CPO: variants seen among roughly 807,000 people sequenced by gnomAD.
The protein encoded by CPO is metallocarboxypeptidase C.
A neutral mutation model predicts 41.2 loss-of-function variants in CPO; 43 were observed. That is an observed-to-expected ratio of 1.04 (90% CI 0.82 to 1.35). The LOEUF is 1.35. Ranked by LOEUF, CPO falls within the 40% of genes most tolerant of loss-of-function variation. CPO has a pLI of 0.00. For synonymous variants in CPO, 178 were observed against 162.7 expected (o/e 1.09, Z -0.72); for missense variants, 408 against 451.7 (o/e 0.90, Z 0.88).
chr2:206,951,120 T>C (rs1047121285), intron 2 of CPO, among the ~76,000 whole-genome samples: 2 of 152,006 alleles, frequency 1.3e-5, no homozygotes. Flanking sequence ...TTATCTTGCA[T>C]GTACCTTTTA....
chr2:206,943,728 T>TAGATA (rs1410767599), intron 1 of CPO, among the ~76,000 whole-genome samples: 3 of 123,608 alleles, frequency 2.4e-5, no homozygotes, highest in Admixed American at 8.1e-5. Flanking sequence ...GATGGATAGA[T>TAGATA]GATAGATAGA....
chr2:206,965,657 G>A (rs1371622229), intron 7 of CPO, among the ~76,000 whole-genome samples: 1 of 151,940 alleles, frequency 6.6e-6, no homozygotes, highest in Non-Finnish European at 1.5e-5. Flanking sequence ...ACCCCTACTA[G>A]GCCAGAGCTT....
intron 3 of CPO, among the ~76,000 whole-genome samples, chr2:206,957,557 A>G (rs555713912): frequency 5.9e-5 from 9 of 152,124 alleles, no homozygotes; most frequent in African/African-American, 1.2e-4. Context: ...TCAGCTTCCA[A>G]TGGTTTTCAA....
chr2:206,969,143 T>C, intron 8 of CPO, 31 bp from the exon 9 acceptor site: 1 of 1,609,616 alleles, frequency 6.2e-7, no homozygotes, highest in Non-Finnish European at 8.5e-7. Context: ...AAGTATGACT[T>C]CTACCTCTGC....
chr2:206,955,628 T>C (rs1367564288), intron 3 of CPO, 64 bp downstream of exon 3: 3 of 922,478 alleles, frequency 3.3e-6, no homozygotes, highest in Non-Finnish European at 5.5e-6. Flanking sequence ...GTGTTTACTA[T>C]TCAGGGACTC....
intron 7 of CPO, among the ~76,000 whole-genome samples, chr2:206,964,559 CCT>C (rs1693538208): frequency 2.0e-5 from 3 of 152,142 alleles, no homozygotes; most frequent in Non-Finnish European, 4.4e-5. Flanking sequence ...ACCTCGCACG[CCT>C]CTCTCTGCTC....
At chr2:206,967,781 G>A (rs372853801) in intron 7 of CPO, among the ~76,000 whole-genome samples, 5 of 152,172 alleles carry the variant, frequency 3.3e-5, no homozygotes, top group African/African-American at 1.2e-4. Flanking sequence ...AGTGAGCAAT[G>A]AGGAGCTCTT....
intron 1 of CPO, among the ~76,000 whole-genome samples, chr2:206,946,265 A>G (rs961202016): frequency 5.9e-5 from 9 of 152,180 alleles, no homozygotes; most frequent in African/African-American, 1.9e-4. Context: ...AACAATGTAT[A>G]AAAAGAATTA....
chr2:206,963,708 G>A lies in CPO; in HGVS notation c.777+1094G>A, dbSNP rs147514522. ...AAAGCCAAACAATATTCCATTTTGT[G>A]TATATACTACATTTCGTTCATCCCA... On this transcript the variant is annotated intron_variant, in intron 7 of 8. Transcript: ENST00000272852. Among the ~76,000 whole-genome samples the A allele has an allele frequency of 1.6e-3, 248 of 152,304 alleles. 1 individual carries two copies. The Middle Eastern group carries it at 0.027, about 17-fold the overall frequency.
At chr2:206,962,639 C>A in intron 7 of CPO, 25 bp downstream of exon 7, 1 of 1,582,278 alleles carries the variant, frequency 6.3e-7, no homozygotes, top group South Asian at 1.1e-5. Flanking sequence ...CCAAGGCCTC[C>A]AGAAAAACCT....
At chr2:206,955,437 G>A (rs1574351565) in intron 2 of CPO, 26 bp from the exon 3 acceptor site, 2 of 1,339,502 alleles carry the variant, frequency 1.5e-6, no homozygotes, top group Middle Eastern at 3.6e-4. Flanking sequence ...CCTACTGATA[G>A]CCACAGTCCT....
rs1389046643 is a variant in CPO at position 206,949,586 on chromosome 2, T to G, written c.69-31T>G. On this transcript the variant is annotated intron_variant, in intron 1 of 8. Transcript: ENST00000272852. Reference sequence around the variant, plus strand: ...CCTCAGGATATCCCAGTTTCACCACTGCTTTTCCTCTTACTTTCTTCCCTT... The same window carrying G: ...CCTCAGGATATCCCAGTTTCACCACGGCTTTTCCTCTTACTTTCTTCCCTT... The G allele has an allele frequency of 1.9e-6, 3 of 1,545,274 alleles. No homozygotes were observed. In the Admixed American group the frequency reaches 5.0e-5, roughly 26 times the overall value.
intron 1 of CPO, among the ~76,000 whole-genome samples, chr2:206,943,971 C>T (rs537297184): frequency 1.3e-5 from 2 of 152,164 alleles, no homozygotes; most frequent in African/African-American, 4.8e-5. Flanking sequence ...CTTATCATAC[C>T]TCATGCCTTG....
rs1693384562 is a variant in CPO, at chr2:206,957,227, T to C, written c.268-1074T>C. Among the ~76,000 whole-genome samples, 5 of 151,714 alleles carry C rather than the reference T, an allele frequency of 3.3e-5. No individual in the cohort carries two copies. The South Asian group carries it at 1.0e-3, about 32-fold the overall frequency. ...CCCGTCTCTACTAAAAATAAATACA[T>C]TAGCTGGGCGTGGTGGCATGTGCCT... On this transcript the variant is annotated intron_variant, in intron 3 of 8. Coordinates refer to ENST00000272852, the MANE Select transcript of CPO (RefSeq NM_173077.3).
rs747978844 is a variant in CPO at position 206,956,514 on chromosome 2, G to A, written c.267+950G>A. ...TACTAAGTCAGAAACTCGGAGGCTG[G>A]AGCCCAACAGTCTATTTTAACAAGG... On this transcript the variant is annotated intron_variant, in intron 3 of 8. Coordinates refer to ENST00000272852, the MANE Select transcript of CPO (RefSeq NM_173077.3). Among the ~76,000 whole-genome samples the A allele has an allele frequency of 3.3e-5, 5 of 152,124 alleles. No individual in the cohort carries two copies. In the East Asian group the frequency reaches 7.7e-4, roughly 23 times the overall value.
At chr2:206,956,106 T>C (rs1311756637) in intron 3 of CPO, among the ~76,000 whole-genome samples, 1 of 152,084 alleles carries the variant, frequency 6.6e-6, no homozygotes, top group East Asian at 1.9e-4. Flanking sequence ...CTACCCCTTT[T>C]GCATGCAACA....
chr2:206,950,568 C>T (rs956840360), intron 2 of CPO, among the ~76,000 whole-genome samples: 4 of 152,130 alleles, frequency 2.6e-5, no homozygotes, highest in Non-Finnish European at 4.4e-5. Context: ...CCCAGCAATC[C>T]CATTACTGGG....
chr2:206,962,027 G>A lies in CPO; in HGVS notation c.575-385G>A, dbSNP rs549150269. ...AGGCAGGAGAATGGCATGAACCCAGGAGGTGGAGCTTGCAGTGAGCAGAGA... is the reference window on the plus strand; with the variant it reads ...AGGCAGGAGAATGGCATGAACCCAGAAGGTGGAGCTTGCAGTGAGCAGAGA... On this transcript the variant is annotated intron_variant, in intron 6 of 8. Coordinates refer to ENST00000272852, the MANE Select transcript of CPO (RefSeq NM_173077.3). Among the ~76,000 whole-genome samples the A allele has an allele frequency of 2.6e-5, 4 of 151,008 alleles. No individual in the cohort carries two copies. The East Asian group carries it at 7.8e-4, about 30-fold the overall frequency.
In CPO at chr2:206,960,946, A is replaced by C. The variant is rs765612406; in HGVS notation, c.574+4A>C. ...AATTTCAATGCATCTTGGTGTAGTA[A>C]GTACATGCTTAGTAGATGAATTATG... is the stretch of plus-strand genomic sequence containing the variant. On this transcript the variant is annotated splice_donor_region_variant and intron_variant, in intron 6 of 8. Coordinates refer to ENST00000272852, the MANE Select transcript of CPO (RefSeq NM_173077.3). 1.3e-6 allele frequency: 2 copies of C among 1,559,266 alleles called. No homozygotes were observed. Among genetic ancestry groups the C allele is most frequent in the Admixed American group, 3.3e-5 (2 of 59,958 alleles).
Sources: allele counts gnomAD v4.1 joint callset (sites outside exome capture counted in the v4.1 genomes callset), GRCh38; gene constraint gnomAD v4.1.1; transcripts MANE v1.5; gene names NCBI Gene and HGNC (gene_info 2026-07-23, HGNC 2026-07-21).